The following ZNF512 variants were observed in gnomAD, a reference collection of about 807,000 sequenced individuals.
ZNF512 encodes the protein zinc finger protein 512.
Under a neutral mutation model 77.5 loss-of-function variants are expected in ZNF512, and 25 were observed. The observed-to-expected ratio is 0.32, with a 90% CI of 0.23 to 0.45. The LOEUF (loss-of-function observed/expected upper bound fraction) is 0.45. Among genes scored for constraint, ZNF512 ranks in the 20% least tolerant of loss-of-function variants. ZNF512 has a pLI of 1.00. For missense variants in ZNF512, 483 were observed against 692.6 expected (o/e 0.70, Z 3.40); for synonymous variants, 246 against 239.9 (o/e 1.03, Z -0.24).
At chr2:27,613,365 G>A (rs921075619) in intron 10 of ZNF512, among the ~76,000 whole-genome samples, 6 of 151,754 alleles carry the variant, frequency 4.0e-5, no homozygotes, top group South Asian at 2.1e-4. Flanking sequence ...GCATGGTGGC[G>A]CACACCTGTA....
rs1381631269 is a variant in ZNF512 at position 27,599,661 on chromosome 2, A to G, written c.356A>G (p.Lys119Arg). ...GAAGACTATCGAGAATTTCCTCAGA[A>G]GAAGCATAAGCTTTATGGTAAGGCA... The part of the protein sequence containing the change: ...EDEDYREFPQ[K>R]KHKLYGRKQR... The change falls in exon 4 of 14, where the codon AAG (lysine) becomes AGG (arginine). Residue 119 changes from lysine to arginine, a missense_variant. This residue lies in a region of ZNF512 where 159 missense variants were observed against 167.5 expected (regional missense o/e 0.95). Coordinates refer to ENST00000355467, the MANE Select transcript of ZNF512 (RefSeq NM_032434.4). The G allele has an allele frequency of 1.9e-6, 3 of 1,614,190 alleles. No individual in the cohort carries two copies. Among genetic ancestry groups the G allele is most frequent in the East Asian group, 2.2e-5 (1 of 44,890 alleles).
At chr2:27,609,102 C>G (rs1672492368) in intron 10 of ZNF512, among the ~76,000 whole-genome samples, 1 of 147,138 alleles carries the variant, frequency 6.8e-6, no homozygotes. Context: ...GAGTGAGACT[C>G]TGTCTCCAAA....
intron 9 of ZNF512, among the ~76,000 whole-genome samples, chr2:27,603,586 G>GTGTGTGTGTGTGTGTGTATA (rs140043162): frequency 2.8e-5 from 2 of 72,488 alleles, no homozygotes; most frequent in African/African-American, 1.2e-4. Context: ...GTGTGTGTGT[G>GTGTGTGTGTGTGTGTGTATA]TATATTTTTT....
chr2:27,594,292 G>C (rs1252369572), intron 2 of ZNF512, among the ~76,000 whole-genome samples: 2 of 148,708 alleles, frequency 1.3e-5, no homozygotes, highest in African/African-American at 5.0e-5. Context: ...TCAGTTCGCA[G>C]ACGGGGTGGC....
chr2:27,608,940 C>T (rs1672484895), intron 10 of ZNF512, among the ~76,000 whole-genome samples: 3 of 151,936 alleles, frequency 2.0e-5, no homozygotes, highest in Admixed American at 2.0e-4. Context: ...GAAACCCCCT[C>T]TCTACTAAAA....
Position 27,609,890 on chromosome 2 carries a change from C to G in ZNF512, c.1131+1851C>G, listed in dbSNP as rs943143098. On this transcript the variant is annotated intron_variant, in intron 10 of 13. Transcript: ENST00000355467. ...GTCTCAAAAAAAAAAAAAAATTAGCCAGGTGGGACACATGTGTAGTCCCAG... is the reference window on the plus strand; with the variant it reads ...GTCTCAAAAAAAAAAAAAAATTAGCGAGGTGGGACACATGTGTAGTCCCAG... Among the ~76,000 whole-genome samples the G allele has an allele frequency of 1.1e-4, 17 of 148,438 alleles. No homozygotes were observed. The East Asian group carries it at 3.4e-3, about 30-fold the overall frequency.
chr2:27,593,841 G>C (rs1671714497), intron 2 of ZNF512, among the ~76,000 whole-genome samples: 1 of 151,332 alleles, frequency 6.6e-6, no homozygotes, highest in African/African-American at 2.4e-5. Context: ...GAGAGCACAG[G>C]GTTGGGGGTA....
At chr2:27,604,635 G>A (rs1672277805) in intron 9 of ZNF512, among the ~76,000 whole-genome samples, 1 of 152,122 alleles carries the variant, frequency 6.6e-6, no homozygotes, top group African/African-American at 2.4e-5. Flanking sequence ...GAAAAAATAA[G>A]CCAGGCATGG....
At chr2:27,592,229 G>A (rs1441542170) in intron 2 of ZNF512, among the ~76,000 whole-genome samples, 1 of 152,088 alleles carries the variant, frequency 6.6e-6, no homozygotes, top group Non-Finnish European at 1.5e-5. Context: ...GGGCTCAAGG[G>A]ATCTGCCTGC....
intron 10 of ZNF512, among the ~76,000 whole-genome samples, chr2:27,608,616 T>C (rs183404402): frequency 2.0e-5 from 3 of 152,070 alleles, no homozygotes; most frequent in Admixed American, 2.0e-4. Context: ...TTAGAATCTA[T>C]TAGAATAGAT....
chr2:27,603,763 C>T (rs538196812), intron 9 of ZNF512, among the ~76,000 whole-genome samples: 2 of 151,058 alleles, frequency 1.3e-5, no homozygotes, highest in African/African-American at 4.9e-5. Context: ...GCTAATTCTT[C>T]GTTTTTAATT....
intron 10 of ZNF512, among the ~76,000 whole-genome samples, chr2:27,609,726 G>A (rs1482092719): frequency 6.6e-6 from 1 of 152,124 alleles, no homozygotes; most frequent in African/African-American, 2.4e-5. Flanking sequence ...AAAATTAGCT[G>A]GACGTGGAGG....
chr2:27,601,287 G>T, intron 6 of ZNF512, 69 bp from the exon 7 acceptor site: 1 of 1,127,762 alleles, frequency 8.9e-7, no homozygotes. Flanking sequence ...GAAAGCATTT[G>T]AGTCGGACTT....
In ZNF512 at chr2:27,595,159, C is replaced by T. The variant is rs372324676; in HGVS notation, c.90-2908C>T. ...GGGAGGAGAGCGGGGAGAGGGAGAG[C>T]GAGAGCTGCATTAGTATCTTTCGCC... is the stretch of plus-strand genomic sequence containing the variant. On this transcript the variant is annotated intron_variant, in intron 2 of 13. Transcript: ENST00000355467. Among the ~76,000 whole-genome samples, 39 of 152,212 alleles carry T rather than the reference C, an allele frequency of 2.6e-4. No homozygotes were observed. In the Middle Eastern group the frequency reaches 0.014, roughly 53 times the overall value.
At chr2:27,597,944 C>A in intron 2 of ZNF512, 123 bp from the exon 3 acceptor site, 1 of 634,320 alleles carries the variant, frequency 1.6e-6, no homozygotes. Context: ...AACTTACATT[C>A]TGTTTTTATA....
In ZNF512 at chr2:27,621,191, T is replaced by C. The variant is rs145295390; in HGVS notation, c.1434T>C (p.Phe478=). The C allele has an allele frequency of 3.1e-4, 497 of 1,614,064 alleles. No individual in the cohort carries two copies. The African/African-American group carries it at 5.7e-3, about 19-fold the overall frequency. The stretch of plus-strand genomic sequence containing the variant: ...TAAACCCAACAACAACCAAAAGCTT[T>C]GAAAAGCTGATGAAGATAAAGCAGC... The part of the protein sequence containing the change: ...FVVNPTTTKS[F]EKLMKIKQRQ... The change falls in exon 14 of 14, where the codon TTT becomes TTC. Residue 478 remains phenylalanine, a synonymous_variant. Coordinates refer to ENST00000355467, the MANE Select transcript of ZNF512 (RefSeq NM_032434.4).
chr2:27,608,011 T>G lies in ZNF512; in HGVS notation c.1103T>G (p.Leu368Arg). The G allele has an allele frequency of 6.3e-7, 1 of 1,592,704 alleles. No homozygotes were observed. Among genetic ancestry groups the G allele is most frequent in the Non-Finnish European group, 8.5e-7 (1 of 1,171,702 alleles). The change falls in exon 10 of 14, where the codon CTT (leucine) becomes CGT (arginine). Residue 368 changes from leucine (L) to arginine (R), a missense_variant. By Grantham distance (102) the Leu-to-Arg change is moderately radical. Transcript: ENST00000355467. ...LAKEWPKRKV[L>R]QDLVPDDRKL... ...AAGGAATGGCCCAAGAGGAAGGTGC[T>G]TCAGGACCTGGTACCTGATGATCGA... is the stretch of plus-strand genomic sequence containing the variant.
chr2:27,598,566 T>A (rs1410724556), intron 3 of ZNF512, among the ~76,000 whole-genome samples: 1 of 151,436 alleles, frequency 6.6e-6, no homozygotes, highest in Non-Finnish European at 1.5e-5. Context: ...GAGGCAGAGG[T>A]TGCACTGAGC....
chr2:27,609,526 G>A (rs1343050705), intron 10 of ZNF512, among the ~76,000 whole-genome samples: 1 of 151,798 alleles, frequency 6.6e-6, no homozygotes, highest in Non-Finnish European at 1.5e-5. Flanking sequence ...TCAGGAGTTC[G>A]AGACCAGCCT....
Sources: gnomAD v4.1 joint callset for allele counts (sites outside exome capture counted in the v4.1 genomes callset) on GRCh38, gnomAD v4.1.1 for gene constraint, gnomAD v4.1.1 regional missense constraint, MANE v1.5 for transcripts, NCBI Gene and HGNC (gene_info 2026-07-23, HGNC 2026-07-21) for gene names.